ATXN10: variants seen among roughly 807,000 people sequenced by gnomAD.
ATXN10 encodes the protein ataxin-10.
In ATXN10, 28 loss-of-function variants were observed where a neutral mutation model predicts 52.9. The ratio of observed to expected loss-of-function variants is 0.53; its 90% confidence interval spans 0.39 to 0.73. The LOEUF (loss-of-function observed/expected upper bound fraction) is 0.73. ATXN10 is among the 30% of genes least tolerant of loss of function. The pLI, the probability that ATXN10 is intolerant of heterozygous loss-of-function variation, is 0.00. For missense variants in ATXN10, 565 were observed against 577.0 expected (o/e 0.98, Z 0.21); for synonymous variants, 226 against 221.5 (o/e 1.02, Z -0.18).
At chr22:45,793,444 C>T (rs1022587488) in intron 9 of ATXN10, 4 of 574,526 alleles carry the variant, frequency 7.0e-6, no homozygotes, top group African/African-American at 5.8e-5. Flanking sequence ...ACAATGGTAG[C>T]AGAGTCCACA....
chr22:45,768,418 GAAAACACAACTGGTTTGTGT>G (rs1392481489), intron 9 of ATXN10, among the ~76,000 whole-genome samples: 6 of 152,010 alleles, frequency 3.9e-5, no homozygotes, highest in Non-Finnish European at 7.4e-5. Context: ...GAAACACATA[GAAAACACAACTGGTTTGTGT>G]AAAAAACACA....
intron 10 of ATXN10, among the ~76,000 whole-genome samples, chr22:45,821,525 C>T (rs571139382): frequency 1.3e-5 from 2 of 152,270 alleles, no homozygotes; most frequent in Non-Finnish European, 2.9e-5. Context: ...GCTGGGAAGG[C>T]ACTGCACATC....
chr22:45,706,456 CTCT>C (rs1924045133), intron 5 of ATXN10, among the ~76,000 whole-genome samples: 1 of 152,040 alleles, frequency 6.6e-6, no homozygotes, highest in East Asian at 1.9e-4. Context: ...GTTTGGTTTG[CTCT>C]TCTTTTTCTA....
At chr22:45,761,228 C>T (rs575480095) in intron 9 of ATXN10, among the ~76,000 whole-genome samples, 1 of 152,202 alleles carries the variant, frequency 6.6e-6, no homozygotes, top group African/African-American at 2.4e-5. Context: ...TCAGGCGATT[C>T]CCCAGCCTCA....
intron 9 of ATXN10, chr22:45,793,609 A>G (rs943257959): frequency 4.1e-5 from 55 of 1,325,816 alleles, no homozygotes; most frequent in East Asian, 5.6e-5. Flanking sequence ...TTAGGCAGCT[A>G]TTGCTTCAGA....
rs767237125 is a variant in ATXN10, at chr22:45,781,942, C to T, written c.1174-25017C>T. Among the ~76,000 whole-genome samples the T allele has an allele frequency of 4.5e-4, 69 of 152,274 alleles. 1 individual carries two copies. Among genetic ancestry groups the T allele is most frequent in the Middle Eastern group, 3.4e-3 (1 of 294 alleles). Reference sequence around the variant, plus strand: ...GTCTGAACAACAGAAAGAAAATAGACTGTACAAAAAAGTTAACCAAGCTTC... The same window carrying T: ...GTCTGAACAACAGAAAGAAAATAGATTGTACAAAAAAGTTAACCAAGCTTC... On this transcript the variant is annotated intron_variant, in intron 9 of 11. Transcript: ENST00000252934. The surrounding 1 kb of genome is among the most constrained non-coding windows in gnomAD (Gnocchi z 4.2).
chr22:45,762,327 G>T lies in ATXN10; in HGVS notation c.1173+21789G>T, dbSNP rs1193070548. ...TGCTTGACAGAGGGCCTGACCCAGG[G>T]TAGGCACTCCCGCTTCATGACTACA... is the stretch of plus-strand genomic sequence containing the variant. On this transcript the variant is annotated intron_variant, in intron 9 of 11. Coordinates refer to ENST00000252934, the MANE Select transcript of ATXN10 (RefSeq NM_013236.4). The surrounding 1 kb of genome is among the most constrained non-coding windows in gnomAD (Gnocchi z 4.3). 6.6e-6 allele frequency among the ~76,000 whole-genome samples: 1 copy of T among 152,198 alleles called. No individual in the cohort carries two copies. Among genetic ancestry groups the T allele is most frequent in the Admixed American group, 6.5e-5 (1 of 15,282 alleles).
At chr22:45,710,588 A>G (rs1924207741) in intron 5 of ATXN10, among the ~76,000 whole-genome samples, 1 of 152,226 alleles carries the variant, frequency 6.6e-6, no homozygotes, top group Non-Finnish European at 1.5e-5. Context: ...TGTCCTGGTC[A>G]TCATTCTATC....
Position 45,807,669 on chromosome 22 carries a change from A to G in ATXN10, c.1237+647A>G, listed in dbSNP as rs143028222. 1.6e-3 allele frequency among the ~76,000 whole-genome samples: 248 copies of G among 152,334 alleles called. 2 individuals carry two copies. Among genetic ancestry groups the G allele is most frequent in the African/African-American group, 5.7e-3 (239 of 41,580 alleles). Reference sequence around the variant, plus strand: ...AACTAGTTGTACTATACAAAACTGTACAGTGGTGACTAACCAGGGACCGGA... The same window carrying G: ...AACTAGTTGTACTATACAAAACTGTGCAGTGGTGACTAACCAGGGACCGGA... On this transcript the variant is annotated intron_variant, in intron 10 of 11. Transcript: ENST00000252934.
intron 10 of ATXN10, among the ~76,000 whole-genome samples, chr22:45,807,400 T>G (rs764680320): frequency 6.6e-6 from 1 of 152,234 alleles, no homozygotes; most frequent in Non-Finnish European, 1.5e-5. Flanking sequence ...ATAGAGATTC[T>G]GAGTACCCAG....
intron 9 of ATXN10, among the ~76,000 whole-genome samples, chr22:45,773,550 C>G (rs1196608059): frequency 6.6e-6 from 1 of 152,066 alleles, no homozygotes; most frequent in Non-Finnish European, 1.5e-5. Flanking sequence ...CCTCCACCTC[C>G]CAGGTTCAAG....
chr22:45,694,437 A>G (rs568623383), intron 3 of ATXN10, among the ~76,000 whole-genome samples: 3 of 152,226 alleles, frequency 2.0e-5, no homozygotes, highest in African/African-American at 7.2e-5. Flanking sequence ...AGATTGCTTG[A>G]GCTCAGGTGT....
rs1170087764 is a variant in ATXN10, at chr22:45,816,564, G to A, written c.1237+9542G>A. ...CCCCCAAGGAAAGTTTATCCCAGGT[G>A]GGAACTATGTCATCTTGTTCCTGTA... On this transcript the variant is annotated intron_variant, in intron 10 of 11. Coordinates refer to ENST00000252934, the MANE Select transcript of ATXN10 (RefSeq NM_013236.4). This position sits in a 1 kb window ranked among gnomAD's most constrained non-coding sequence, Gnocchi z 5.8. Among the ~76,000 whole-genome samples, 1 of 152,194 alleles carries A rather than the reference G, an allele frequency of 6.6e-6. No homozygotes were observed. Among genetic ancestry groups the A allele is most frequent in the African/African-American group, 2.4e-5 (1 of 41,440 alleles).
intron 10 of ATXN10, among the ~76,000 whole-genome samples, chr22:45,838,517 A>G (rs892717057): frequency 1.3e-5 from 2 of 152,244 alleles, no homozygotes; most frequent in African/African-American, 4.8e-5. Flanking sequence ...TCTAAAGCTA[A>G]GCATACAATA....
chr22:45,708,659 A>G lies in ATXN10; in HGVS notation c.647+5812A>G, dbSNP rs1283313489. 6.6e-6 allele frequency among the ~76,000 whole-genome samples: 1 copy of G among 152,072 alleles called. No individual in the cohort carries two copies. Among genetic ancestry groups the G allele is most frequent in the Non-Finnish European group, 1.5e-5 (1 of 68,014 alleles). On this transcript the variant is annotated intron_variant, in intron 5 of 11. Coordinates refer to ENST00000252934, the MANE Select transcript of ATXN10 (RefSeq NM_013236.4). The surrounding 1 kb of genome is among the most constrained non-coding windows in gnomAD (Gnocchi z 5.3). ...TTTTGGTGTAAACTTTTTCTTTTTG[A>G]GACAGAGTCTCACTCTGTTGCCCAG...
Position 45,840,213 on chromosome 22 carries a change from T to G in ATXN10, c.1238-2778T>G, listed in dbSNP as rs1183968925. On this transcript the variant is annotated intron_variant, in intron 10 of 11. Coordinates refer to ENST00000252934, the MANE Select transcript of ATXN10 (RefSeq NM_013236.4). The surrounding 1 kb of genome is among the most constrained non-coding windows in gnomAD (Gnocchi z 5.8). ...ATAAATATGTATTGAACATCCACTTTGTGCTGGGAACGAGACTCGGTGCTA... is the reference window on the plus strand; with the variant it reads ...ATAAATATGTATTGAACATCCACTTGGTGCTGGGAACGAGACTCGGTGCTA... Among the ~76,000 whole-genome samples the G allele has an allele frequency of 2.0e-5, 3 of 152,192 alleles. No individual in the cohort carries two copies. The highest frequency in any genetic ancestry group is 1.9e-4 in the East Asian group (1 of 5,196).
chr22:45,700,208 A>T, intron 3 of ATXN10, 74 bp from the exon 4 acceptor site: 1 of 1,073,430 alleles, frequency 9.3e-7, no homozygotes. Flanking sequence ...AACATGGAGA[A>T]TATTTCTTAA....
intron 10 of ATXN10, among the ~76,000 whole-genome samples, chr22:45,830,620 A>T (rs1023024143): frequency 1.3e-5 from 2 of 152,174 alleles, no homozygotes; most frequent in South Asian, 2.1e-4. Flanking sequence ...ATCACTAATC[A>T]TGAGGAAAAT....
At chr22:45,686,985 A>G (rs1184989181) in intron 1 of ATXN10, among the ~76,000 whole-genome samples, 6 of 152,182 alleles carry the variant, frequency 3.9e-5, no homozygotes, top group Admixed American at 3.9e-4. Context: ...AGCATATGAC[A>G]GTGATCACAG....
Sources: gnomAD v4.1 joint callset for allele counts (sites outside exome capture counted in the v4.1 genomes callset) on GRCh38, gnomAD v4.1.1 for gene constraint, Gnocchi (gnomAD v3.1) non-coding constraint, MANE v1.5 for transcripts, NCBI Gene and HGNC (gene_info 2026-07-23, HGNC 2026-07-21) for gene names.